Variants in CHODL observed in about 807,000 individuals in gnomAD.
CHODL encodes transmembrane protein MT75.
Under a neutral mutation model 34.5 loss-of-function variants are expected in CHODL, and 29 were observed. The observed-to-expected ratio is 0.84, with a 90% confidence interval of 0.63 to 1.15. The LOEUF (loss-of-function observed/expected upper bound fraction) is 1.15. Ranked by LOEUF, CHODL falls within the 50% of genes most tolerant of loss-of-function variation. CHODL has a pLI of 0.00. For synonymous variants in CHODL, 125 were observed against 116.1 expected (o/e 1.08, Z -0.49); for missense variants, 332 against 332.5 (o/e 1.00, Z 0.01).
chr21:18,179,125 A>T (rs777591239), intron 2 of CHODL, among the ~76,000 whole-genome samples: 1 of 152,098 alleles, frequency 6.6e-6, no homozygotes, highest in Non-Finnish European at 1.5e-5. Flanking sequence ...ACCTCAAGAA[A>T]CTTGAGGCCT....
intron 1 of CHODL, among the ~76,000 whole-genome samples, chr21:17,997,388 T>C (rs2063860185): frequency 6.6e-6 from 1 of 152,168 alleles, no homozygotes; most frequent in Non-Finnish European, 1.5e-5. Context: ...TTGCCAAAGA[T>C]GGGAGCAAGA....
intron 1 of CHODL, among the ~76,000 whole-genome samples, chr21:17,937,517 A>G (rs1177798674): frequency 2.6e-5 from 4 of 152,230 alleles, no homozygotes; most frequent in Non-Finnish European, 5.9e-5. Flanking sequence ...TTATTTGCAC[A>G]GGTCATACTT....
At chr21:18,109,324 GTGAGAA>G (rs1656074149) in intron 2 of CHODL, among the ~76,000 whole-genome samples, 1 of 152,130 alleles carries the variant, frequency 6.6e-6, no homozygotes, top group South Asian at 2.1e-4. Flanking sequence ...TTTTCTCCCA[GTGAGAA>G]TGAGAATATA....
chr21:18,180,333 A>G (rs2073367163), intron 2 of CHODL, among the ~76,000 whole-genome samples: 1 of 151,988 alleles, frequency 6.6e-6, no homozygotes, highest in African/African-American at 2.4e-5. Flanking sequence ...TTATGTAGAG[A>G]TGGGGTCCAC....
At chr21:18,123,282 T>G (rs896512882) in intron 2 of CHODL, among the ~76,000 whole-genome samples, 1 of 152,196 alleles carries the variant, frequency 6.6e-6, no homozygotes, top group African/African-American at 2.4e-5. Flanking sequence ...GGAATGATCA[T>G]TTGGCTTAAC....
chr21:18,044,459 G>A (rs936917001), intron 2 of CHODL, among the ~76,000 whole-genome samples: 9 of 151,834 alleles, frequency 5.9e-5, no homozygotes, highest in African/African-American at 2.2e-4. Context: ...ACTTTTACTG[G>A]CACATTTTCC....
chr21:18,026,936 T>C (rs890559545), intron 1 of CHODL, among the ~76,000 whole-genome samples: 24 of 152,294 alleles, frequency 1.6e-4, no homozygotes, highest in Admixed American at 3.9e-4. Context: ...TTGCGTCTTC[T>C]GTTTTTAGAA....
intron 1 of CHODL, among the ~76,000 whole-genome samples, chr21:18,010,329 A>T (rs1035780308): frequency 6.7e-6 from 1 of 150,200 alleles, no homozygotes; most frequent in African/African-American, 2.4e-5. Flanking sequence ...AAAAGAAGAA[A>T]AAGGAAAAAA....
intron 1 of CHODL, among the ~76,000 whole-genome samples, chr21:17,934,625 A>G (rs2063304854): frequency 6.6e-6 from 1 of 152,118 alleles, no homozygotes; most frequent in Admixed American, 6.5e-5. Context: ...CAATAGTTGC[A>G]TATTTTTTGG....
intron 2 of CHODL, among the ~76,000 whole-genome samples, chr21:18,096,240 ACC>A (rs977338991): frequency 1.3e-5 from 2 of 152,094 alleles, no homozygotes; most frequent in Non-Finnish European, 2.9e-5. Flanking sequence ...TCACCTCAGG[ACC>A]CTGTGATGAT....
At chr21:17,999,527 T>A (rs1042569735) in intron 1 of CHODL, among the ~76,000 whole-genome samples, 1 of 152,220 alleles carries the variant, frequency 6.6e-6, no homozygotes, top group Non-Finnish European at 1.5e-5. Flanking sequence ...AAAGGTTTAA[T>A]TGCATTTTCA....
chr21:18,046,759 A>G (rs1038956591), intron 2 of CHODL, among the ~76,000 whole-genome samples: 2 of 151,976 alleles, frequency 1.3e-5, no homozygotes, highest in African/African-American at 4.8e-5. Context: ...ACATTTTATG[A>G]TGACTTGGTT....
At chr21:18,093,771 C>A (rs909675297) in intron 2 of CHODL, among the ~76,000 whole-genome samples, 1 of 151,822 alleles carries the variant, frequency 6.6e-6, no homozygotes, top group Non-Finnish European at 1.5e-5. Flanking sequence ...TTAAAGCATA[C>A]CACCAGAGAA....
At chr21:17,942,411 A>G (rs781014412) in intron 1 of CHODL, among the ~76,000 whole-genome samples, 1 of 152,134 alleles carries the variant, frequency 6.6e-6, no homozygotes, top group Non-Finnish European at 1.5e-5. Flanking sequence ...GTTTCCCTGC[A>G]CAAGCTCTCT....
exon 2 of CHODL, chr21:18,027,931 T>TG (rs1350229919): frequency 6.6e-6 from 1 of 152,604 alleles, no homozygotes; most frequent in Non-Finnish European, 1.5e-5. Context: ...AGAAACTGGA[T>TG]GGGCCAGCAC....
intron 1 of CHODL, among the ~76,000 whole-genome samples, chr21:17,923,461 A>ATT (rs1416855160): frequency 9.6e-5 from 11 of 114,402 alleles, no homozygotes; most frequent in Non-Finnish European, 1.5e-4. Context: ...CTAATTCTTC[A>ATT]GTTTTTTTTT....
chr21:18,009,440 T>C (rs1311351856), intron 1 of CHODL, among the ~76,000 whole-genome samples: 1 of 152,198 alleles, frequency 6.6e-6, no homozygotes, highest in African/African-American at 2.4e-5. Flanking sequence ...AATTGGGCTA[T>C]AAAATAGAAG....
chr21:18,217,492 C>G (rs1023093371), intron 2 of CHODL, among the ~76,000 whole-genome samples: 1 of 151,984 alleles, frequency 6.6e-6, no homozygotes, highest in East Asian at 1.9e-4. Context: ...GGGTAACTGC[C>G]CCCCCGACTC....
At chr21:17,922,619 G>A (rs933242472) in intron 1 of CHODL, among the ~76,000 whole-genome samples, 11 of 152,162 alleles carry the variant, frequency 7.2e-5, no homozygotes, top group Non-Finnish European at 1.5e-4. Context: ...TAGTATTACT[G>A]CTATTTATGT....
Sources: allele counts gnomAD v4.1 joint callset (sites outside exome capture counted in the v4.1 genomes callset), GRCh38; gene constraint gnomAD v4.1.1; transcripts MANE v1.5; gene names NCBI Gene and HGNC (gene_info 2026-07-23, HGNC 2026-07-21).